The following DNAH6 variants were observed in gnomAD, a reference collection of about 807,000 sequenced individuals.
DNAH6 encodes the protein axonemal beta dynein heavy chain 6.
DNAH6 carries 340 observed loss-of-function variants against 491.4 expected under a neutral mutation model. The ratio of observed to expected loss-of-function variants is 0.69; its 90% CI spans 0.63 to 0.76. The LOEUF (loss-of-function observed/expected upper bound fraction) is 0.76. Ranked by LOEUF, DNAH6 falls within the 30% of genes least tolerant of loss-of-function variation. The pLI is 0.00. For synonymous variants in DNAH6, 1,603 were observed against 1,686.1 expected (o/e 0.95, Z 1.21); for missense variants, 4,443 against 4,972.2 (o/e 0.89, Z 3.20).
chr2:84,493,724 G>A, the DNAH6 span, among the ~76,000 whole-genome samples: 1 of 152,176 alleles, frequency 6.6e-6, no homozygotes, highest in African/African-American at 2.4e-5. Context: ...AAGACTGGAT[G>A]GCTATACAAG....
upstream of DNAH6, among the ~76,000 whole-genome samples, chr2:84,515,463 T>C (rs1675527427): frequency 6.6e-6 from 1 of 152,358 alleles, no homozygotes; most frequent in Admixed American, 6.5e-5. Flanking sequence ...ATTTTAGCTC[T>C]ATCTGTGATT....
chr2:84,607,931 A>G (rs1685937511), intron 21 of DNAH6, among the ~76,000 whole-genome samples: 1 of 152,222 alleles, frequency 6.6e-6, no homozygotes, highest in Non-Finnish European at 1.5e-5. Context: ...TCCCCATGAC[A>G]GAACTTCTTT....
chr2:84,688,830 T>C (rs1694560340), intron 45 of DNAH6, among the ~76,000 whole-genome samples: 1 of 152,254 alleles, frequency 6.6e-6, no homozygotes, highest in Non-Finnish European at 1.5e-5. Flanking sequence ...GGTTTCTGTT[T>C]GTTTTTATCT....
chr2:84,534,262 A>AT (rs1240497905), intron 4 of DNAH6, among the ~76,000 whole-genome samples: 2 of 151,966 alleles, frequency 1.3e-5, no homozygotes, highest in Non-Finnish European at 2.9e-5. Context: ...GTAAAAACTT[A>AT]TTTTTTAAAA....
chr2:84,512,460 C>T (rs955603020), upstream of DNAH6, among the ~76,000 whole-genome samples: 3 of 152,194 alleles, frequency 2.0e-5, no homozygotes, highest in East Asian at 1.9e-4. Context: ...CTCTGCATTA[C>T]GTCTCCATTT....
chr2:84,565,918 G>C (rs1452380362), intron 11 of DNAH6, among the ~76,000 whole-genome samples: 1 of 151,820 alleles, frequency 6.6e-6, no homozygotes, highest in African/African-American at 2.4e-5. Flanking sequence ...AGTGACTCCT[G>C]CTCTTTTTAG....
chr2:84,766,812 A>G (rs919121255), intron 64 of DNAH6, among the ~76,000 whole-genome samples: 3 of 152,160 alleles, frequency 2.0e-5, no homozygotes, highest in African/African-American at 7.2e-5. Context: ...GCTTCAAAGG[A>G]CAAAGGAGAC....
At chr2:84,599,039 A>C (rs1684966754) in intron 18 of DNAH6, among the ~76,000 whole-genome samples, 2 of 152,024 alleles carry the variant, frequency 1.3e-5, no homozygotes, top group Admixed American at 6.6e-5. Flanking sequence ...CAAAAAAAAA[A>C]AAAAAAAAAA....
chr2:84,460,402 G>A, the DNAH6 span, among the ~76,000 whole-genome samples: 1 of 152,096 alleles, frequency 6.6e-6, no homozygotes, highest in Non-Finnish European at 1.5e-5. Flanking sequence ...ATAACAAAAT[G>A]GACATTTTTA....
chr2:84,606,951 G>C (rs754779677), intron 20 of DNAH6, 25 bp from the exon 21 acceptor site: 1 of 1,546,154 alleles, frequency 6.5e-7, no homozygotes. Flanking sequence ...GGTGCTGCAT[G>C]TATTTTCTTC....
intron 18 of DNAH6, among the ~76,000 whole-genome samples, chr2:84,600,168 TA>T (rs1270479120): frequency 6.6e-6 from 1 of 152,212 alleles, no homozygotes; most frequent in African/African-American, 2.4e-5. Context: ...TCTCTAACTA[TA>T]ATTGTGGGTT....
chr2:84,542,097 T>C (rs1388626851), intron 4 of DNAH6, among the ~76,000 whole-genome samples: 1 of 152,138 alleles, frequency 6.6e-6, no homozygotes, highest in East Asian at 1.9e-4. Flanking sequence ...TAAGTGGCAC[T>C]GAGCACCAAG....
At chr2:84,705,425 A>G (rs1573547000) in intron 51 of DNAH6, 61 bp from the exon 52 acceptor site, 2 of 1,351,788 alleles carry the variant, frequency 1.5e-6, no homozygotes, top group Non-Finnish European at 2.0e-6. Context: ...AAAGAAATAC[A>G]TTCTTTTGTT....
rs141919655 is a variant in DNAH6 at position 84,705,565 on chromosome 2, A to G, written c.8545A>G (p.Ile2849Val). The G allele has an allele frequency of 3.6e-5, 56 of 1,551,690 alleles. 1 individual carries two copies. The Admixed American group carries it at 1.1e-3, about 30-fold the overall frequency. ...GCTTTTAGAATATGATAAGGAGAAC[A>G]TAAAGCCTCAGATATTGGCAAAGCT... ...KRLLEYDKEN[I>V]KPQILAKLQK... Residue 2849 changes from isoleucine (I) to valine (V), a missense_variant, in exon 52 of 77, where the codon ATA becomes GTA. Ile to Val is a conservative substitution (Grantham distance 29). Transcript: ENST00000389394.
At chr2:84,497,552 T>A in the DNAH6 span, among the ~76,000 whole-genome samples, 1 of 152,164 alleles carries the variant, frequency 6.6e-6, no homozygotes, top group African/African-American at 2.4e-5. Flanking sequence ...AGAGTAACTT[T>A]ACCTCTCTGA....
chr2:84,745,233 G>A lies in DNAH6; in HGVS notation c.10496G>A (p.Cys3499Tyr). 1.3e-6 allele frequency: 2 copies of A among 1,503,820 alleles called. No individual in the cohort carries two copies. The highest frequency in any genetic ancestry group is 8.9e-7 in the Non-Finnish European group (1 of 1,128,744). 93.2% of individuals were successfully genotyped at this position (1,503,820 alleles called of 1,614,324 possible). A position where few individuals can be genotyped will look rare whatever the true frequency, so the allele number is the denominator to read the frequency against. Residue 3499 changes from cysteine to tyrosine, a missense_variant, in exon 63 of 77, where the codon TGT (cysteine) becomes TAT (tyrosine). Physicochemically the swap from Cys to Tyr is radical, Grantham distance 194. This residue lies in a region of DNAH6 where 1,463 missense variants were observed against 1,656.6 expected (regional missense o/e 0.88). Transcript: ENST00000389394. Reference protein sequence around the residue: ...SSFHKLILIKCCKEEKVVFAL... With the variant: ...SSFHKLILIKYCKEEKVVFAL... ...TTCCATAAGCTAATTCTTATTAAAT[G>A]TTGTAAAGAAGAAAAGGTAGGGCAT...
chr2:84,705,418 G>T (rs771400442), intron 51 of DNAH6, 68 bp from the exon 52 acceptor site: 17 of 1,347,512 alleles, frequency 1.3e-5, no homozygotes, highest in Non-Finnish European at 1.7e-5. Flanking sequence ...TGTTCTCAAA[G>T]AAATACATTC....
chr2:84,796,251 T>C, intron 68 of DNAH6, 55 bp from the exon 69 acceptor site: 1 of 1,171,324 alleles, frequency 8.5e-7, no homozygotes, highest in East Asian at 2.8e-5. Context: ...AAATTAGGTA[T>C]GCCTATCAAT....
At chr2:84,665,447 T>C (rs960231421) in intron 37 of DNAH6, among the ~76,000 whole-genome samples, 10 of 152,024 alleles carry the variant, frequency 6.6e-5, no homozygotes, top group African/African-American at 2.4e-4. Flanking sequence ...AAATACAAAC[T>C]ACGATCAGAG....
Sources: allele counts gnomAD v4.1 joint callset (sites outside exome capture counted in the v4.1 genomes callset), GRCh38; gene constraint gnomAD v4.1.1; regional missense constraint gnomAD v4.1.1; transcripts MANE v1.5; gene names NCBI Gene and HGNC (gene_info 2026-07-23, HGNC 2026-07-21).